Variants in KIRREL3 observed in about 807,000 individuals in gnomAD.
The protein encoded by KIRREL3 is kirre like nephrin family adhesion molecule 3.
Under a neutral mutation model 89.7 loss-of-function variants are expected in KIRREL3, and 36 were observed. The ratio of observed to expected loss-of-function variants is 0.40; its 90% confidence interval spans 0.31 to 0.53. KIRREL3 has a LOEUF of 0.53. Ranked by LOEUF, KIRREL3 falls within the 20% of genes least tolerant of loss-of-function variation. KIRREL3 has a pLI of 0.49. For missense variants in KIRREL3, 864 were observed against 1,056.6 expected (o/e 0.82, Z 2.53); for synonymous variants, 445 against 441.4 (o/e 1.01, Z -0.10).
chr11:126,789,805 C>T (rs893270395), intron 1 of KIRREL3, among the ~76,000 whole-genome samples: 4 of 152,166 alleles, frequency 2.6e-5, no homozygotes, highest in Non-Finnish European at 4.4e-5. Flanking sequence ...CTGTTAGCTT[C>T]TTCCTCTTTT....
chr11:126,617,053 G>A (rs1464531197), intron 1 of KIRREL3, among the ~76,000 whole-genome samples: 1 of 152,250 alleles, frequency 6.6e-6, no homozygotes, highest in South Asian at 2.1e-4. Context: ...TTTTCCATCA[G>A]AGCAGGCAGG....
At position 126,523,654 on chromosome 11, in the gene KIRREL3, G is replaced by A. The variant is rs1478586346; in HGVS notation, c.284-2190C>T. On this transcript the variant is annotated intron_variant, in intron 3 of 16. Transcript: ENST00000525144. This position sits in a 1 kb window ranked among gnomAD's most constrained non-coding sequence, Gnocchi z 4.9. ...TTGGGAATGAGCCCAGGTAAGTTAA[G>A]CTGTCTCCCCCCAGGGCCAGGAGAG... Among the ~76,000 whole-genome samples, 3 of 152,116 alleles carry A rather than the reference G, an allele frequency of 2.0e-5. No homozygotes were observed. Among genetic ancestry groups the A allele is most frequent in the Admixed American group, 6.5e-5 (1 of 15,278 alleles).
rs925573753 is a variant in KIRREL3, at chr11:126,879,622, A to G, written c.55+120833T>C. 2.1e-4 allele frequency among the ~76,000 whole-genome samples: 32 copies of G among 151,688 alleles called. No individual in the cohort carries two copies. Among genetic ancestry groups the G allele is most frequent in the African/African-American group, 6.8e-4 (28 of 41,350 alleles). On this transcript the variant is annotated intron_variant, in intron 1 of 16. Transcript: ENST00000525144. This position sits in a 1 kb window ranked among gnomAD's most constrained non-coding sequence, Gnocchi z 5.4. ...CTCTTCCATTTCTCCCATTTCTCTC[A>G]CCTCCAAGCCACTTTCCATGTAGCC...
rs573079782 is a variant in KIRREL3 at position 126,740,328 on chromosome 11, T to C, written c.56-177416A>G. Among the ~76,000 whole-genome samples, 1 of 152,246 alleles carries C rather than the reference T, an allele frequency of 6.6e-6. No individual in the cohort carries two copies. Among genetic ancestry groups the C allele is most frequent in the Non-Finnish European group, 1.5e-5 (1 of 68,018 alleles). On this transcript the variant is annotated intron_variant, in intron 1 of 16. Transcript: ENST00000525144. This position sits in a 1 kb window ranked among gnomAD's most constrained non-coding sequence, Gnocchi z 6.0. ...ATAGAATATGATTTTATAAACAGGA[T>C]AGAAAGAAATTAAAGTGCTGCATTG...
rs372687770 is a variant in KIRREL3, at chr11:126,761,545, T to G, written c.56-198633A>C. 1.0e-3 allele frequency among the ~76,000 whole-genome samples: 156 copies of G among 152,340 alleles called. 1 individual carries two copies. In the South Asian group the frequency reaches 0.031, roughly 30 times the overall value. ...TGTAAATGCTGGGAAGTGTCAAGAT[T>G]AGTAAACAGGAAGAGGATTTGGAAG... On this transcript the variant is annotated intron_variant, in intron 1 of 16. Transcript: ENST00000525144. This position sits in a 1 kb window ranked among gnomAD's most constrained non-coding sequence, Gnocchi z 4.4.
At chr11:126,690,478 T>C (rs1946837425) in intron 1 of KIRREL3, among the ~76,000 whole-genome samples, 1 of 151,890 alleles carries the variant, frequency 6.6e-6, no homozygotes, top group Non-Finnish European at 1.5e-5. Context: ...GGGATTAACC[T>C]AGAAGGGCTC....
At position 126,454,548 on chromosome 11, in the gene KIRREL3, G is replaced by T. The variant is rs1433262201; in HGVS notation, c.848+1801C>A. On this transcript the variant is annotated intron_variant, in intron 7 of 16. Coordinates refer to ENST00000525144, the MANE Select transcript of KIRREL3 (RefSeq NM_032531.4). This position sits in a 1 kb window ranked among gnomAD's most constrained non-coding sequence, Gnocchi z 5.8. ...ATGACAGATATTTTCTGGGCATGTT[G>T]TACCTGGTGTTTAGGGACCAGGAGC... Among the ~76,000 whole-genome samples, 1 of 152,290 alleles carries T rather than the reference G, an allele frequency of 6.6e-6. No homozygotes were observed. Among genetic ancestry groups the T allele is most frequent in the South Asian group, 2.1e-4 (1 of 4,826 alleles).
chr11:126,973,725 A>T (rs374013119), intron 1 of KIRREL3, among the ~76,000 whole-genome samples: 2 of 152,306 alleles, frequency 1.3e-5, no homozygotes, highest in East Asian at 3.9e-4. Flanking sequence ...TACTTTTTAC[A>T]GAGTTTGGAA....
rs1219903685 is a variant in KIRREL3 at position 126,685,417 on chromosome 11, G to A, written c.56-122505C>T. On this transcript the variant is annotated intron_variant, in intron 1 of 16. Coordinates refer to ENST00000525144, the MANE Select transcript of KIRREL3 (RefSeq NM_032531.4). The surrounding 1 kb of genome is among the most constrained non-coding windows in gnomAD (Gnocchi z 5.5). Reference sequence around the variant, plus strand: ...GGTAGCTGCCTTACCAGAGAGAGCGGGATTTCTCAGACACTGCTAACTTCC... The same window carrying A: ...GGTAGCTGCCTTACCAGAGAGAGCGAGATTTCTCAGACACTGCTAACTTCC... Among the ~76,000 whole-genome samples the A allele has an allele frequency of 6.6e-6, 1 of 152,030 alleles. No homozygotes were observed. The highest frequency in any genetic ancestry group is 1.5e-5 in the Non-Finnish European group (1 of 68,012).
intron 1 of KIRREL3, among the ~76,000 whole-genome samples, chr11:126,810,201 T>C (rs1951335131): frequency 6.6e-6 from 1 of 152,190 alleles, no homozygotes; most frequent in Admixed American, 6.5e-5. Context: ...AAAGTTATCA[T>C]TTGAAAGTTG....
rs1026781950 is a variant in KIRREL3 at position 126,724,921 on chromosome 11, C to T, written c.56-162009G>A. Among the ~76,000 whole-genome samples, 2 of 152,132 alleles carry T rather than the reference C, an allele frequency of 1.3e-5. No homozygotes were observed. Among genetic ancestry groups the T allele is most frequent in the African/African-American group, 4.8e-5 (2 of 41,424 alleles). ...TTAATGAGTATTTATTGTACCTTGA[C>T]TTTGTGTCAGGTAGTGTGCTAGGTG... On this transcript the variant is annotated intron_variant, in intron 1 of 16. Transcript: ENST00000525144. The surrounding 1 kb of genome is among the most constrained non-coding windows in gnomAD (Gnocchi z 4.3).
In KIRREL3 at chr11:126,642,593, A is replaced by G. The variant is rs571274738; in HGVS notation, c.56-79681T>C. ...TTCTTGGGTGACCACCATCTCCAAG[A>G]GAACCTCTTAGAAGTAGGCCAAGGA... On this transcript the variant is annotated intron_variant, in intron 1 of 16. Coordinates refer to ENST00000525144, the MANE Select transcript of KIRREL3 (RefSeq NM_032531.4). This position sits in a 1 kb window ranked among gnomAD's most constrained non-coding sequence, Gnocchi z 4.9. 6.6e-6 allele frequency among the ~76,000 whole-genome samples: 1 copy of G among 152,388 alleles called. No individual in the cohort carries two copies. Among genetic ancestry groups the G allele is most frequent in the East Asian group, 1.9e-4 (1 of 5,190 alleles).
At position 126,877,319 on chromosome 11, in the gene KIRREL3, T is replaced by G. The variant is rs1945329995; in HGVS notation, c.55+123136A>C. ...GAGCGTTCTATATATACATGCATTTTCAAAATATTGTGGCTTCTGTACATT... is the reference window on the plus strand; with the variant it reads ...GAGCGTTCTATATATACATGCATTTGCAAAATATTGTGGCTTCTGTACATT... On this transcript the variant is annotated intron_variant, in intron 1 of 16. Transcript: ENST00000525144. The surrounding 1 kb of genome is among the most constrained non-coding windows in gnomAD (Gnocchi z 4.9). 1.3e-5 allele frequency among the ~76,000 whole-genome samples: 2 copies of G among 152,210 alleles called. No homozygotes were observed. The highest frequency in any genetic ancestry group is 2.9e-5 in the Non-Finnish European group (2 of 68,046).
intron 1 of KIRREL3, among the ~76,000 whole-genome samples, chr11:126,975,957 G>A (rs1334814200): frequency 4.9e-5 from 4 of 80,986 alleles, no homozygotes; most frequent in South Asian, 4.9e-4. Flanking sequence ...CCTTCCCTCC[G>A]TCCCCATATC....
rs550146459 is a variant in KIRREL3 at position 126,840,691 on chromosome 11, A to G, written c.55+159764T>C. ...TGTGCAGAACAGCTCCATCCTGCTCAGACCTTGAATCATCCCTCTGTGCAA... is the reference window on the plus strand; with the variant it reads ...TGTGCAGAACAGCTCCATCCTGCTCGGACCTTGAATCATCCCTCTGTGCAA... On this transcript the variant is annotated intron_variant, in intron 1 of 16. Coordinates refer to ENST00000525144, the MANE Select transcript of KIRREL3 (RefSeq NM_032531.4). Among the ~76,000 whole-genome samples the G allele has an allele frequency of 1.4e-4, 21 of 152,328 alleles. No individual in the cohort carries two copies. The South Asian group carries it at 2.3e-3, about 17-fold the overall frequency.
chr11:126,472,677 C>T (rs1389109351), intron 5 of KIRREL3, among the ~76,000 whole-genome samples: 2 of 139,688 alleles, frequency 1.4e-5, no homozygotes, highest in East Asian at 4.0e-4. Context: ...TTAGGGTCTT[C>T]CCCAGCAGTT....
At chr11:126,967,066 C>A (rs1392922500) in intron 1 of KIRREL3, among the ~76,000 whole-genome samples, 2 of 152,146 alleles carry the variant, frequency 1.3e-5, no homozygotes, top group Non-Finnish European at 2.9e-5. Flanking sequence ...AATCTCTTTA[C>A]TTTCAAAAGC....
At chr11:126,861,225 C>T (rs1017293431) in intron 1 of KIRREL3, among the ~76,000 whole-genome samples, 3 of 152,090 alleles carry the variant, frequency 2.0e-5, no homozygotes, top group South Asian at 2.1e-4. Context: ...GGCAGGAAAA[C>T]AGCACCCATG....
rs1399030273 is a variant in KIRREL3, at chr11:126,771,154, A to G, written c.56-208242T>C. ...CTCTGGCCAGAACGATCATTTATTA[A>G]AGAGTGTTGTATACCAAGTCTTGTG... is the stretch of plus-strand genomic sequence containing the variant. On this transcript the variant is annotated intron_variant, in intron 1 of 16. Transcript: ENST00000525144. The surrounding 1 kb of genome is among the most constrained non-coding windows in gnomAD (Gnocchi z 4.4). Among the ~76,000 whole-genome samples the G allele has an allele frequency of 6.6e-6, 1 of 152,130 alleles. No individual in the cohort carries two copies. The highest frequency in any genetic ancestry group is 2.4e-5 in the African/African-American group (1 of 41,426).
Sources: allele counts gnomAD v4.1 joint callset (sites outside exome capture counted in the v4.1 genomes callset), GRCh38; gene constraint gnomAD v4.1.1; non-coding constraint Gnocchi (gnomAD v3.1); transcripts MANE v1.5; gene names NCBI Gene and HGNC (gene_info 2026-07-23, HGNC 2026-07-21).